SH3PXD2A: variants seen among roughly 807,000 people sequenced by gnomAD.
The protein encoded by SH3PXD2A is SH3 and PX domains 2A.
SH3PXD2A carries 32 observed loss-of-function variants against 115.2 expected under a neutral mutation model. That is an observed-to-expected ratio of 0.28 (90% CI 0.21 to 0.37). The LOEUF (loss-of-function observed/expected upper bound fraction) is 0.37, where lower values mean the gene tolerates loss of function less well. SH3PXD2A is among the 10% of genes least tolerant of loss of function. The pLI is 1.00. For missense variants in SH3PXD2A, 1,328 were observed against 1,498.7 expected (o/e 0.89, Z 1.88); for synonymous variants, 610 against 629.1 (o/e 0.97, Z 0.45).
At chr10:103,741,283 G>C (rs1384190816) in intron 3 of SH3PXD2A, among the ~76,000 whole-genome samples, 1 of 152,216 alleles carries the variant, frequency 6.6e-6, no homozygotes, top group African/African-American at 2.4e-5. Flanking sequence ...ACAGAAAAGA[G>C]TTTGGTTTTA....
At chr10:103,646,431 A>G (rs1383072881) in intron 8 of SH3PXD2A, among the ~76,000 whole-genome samples, 1 of 152,126 alleles carries the variant, frequency 6.6e-6, no homozygotes, top group African/African-American at 2.4e-5. Context: ...TTCTCATTCT[A>G]GAGACTCGCC....
intron 1 of SH3PXD2A, among the ~76,000 whole-genome samples, chr10:103,854,981 C>A (rs2134336727): frequency 6.6e-6 from 1 of 152,192 alleles, no homozygotes. Context: ...AATTCCAATG[C>A]CAAAAAAAGA....
chr10:103,722,073 C>T (rs752567279), intron 5 of SH3PXD2A, among the ~76,000 whole-genome samples: 7 of 151,784 alleles, frequency 4.6e-5, no homozygotes, highest in East Asian at 1.9e-4. Context: ...GAGGCTGAGG[C>T]GGGTGGATCC....
At chr10:103,681,943 C>T (rs927417016) in intron 6 of SH3PXD2A, among the ~76,000 whole-genome samples, 2 of 152,124 alleles carry the variant, frequency 1.3e-5, no homozygotes, top group East Asian at 1.9e-4. Flanking sequence ...GATACCTGGG[C>T]GTCACTCCAG....
intron 1 of SH3PXD2A, among the ~76,000 whole-genome samples, chr10:103,827,115 G>A (rs1210571586): frequency 6.6e-6 from 1 of 152,122 alleles, no homozygotes; most frequent in East Asian, 1.9e-4. Flanking sequence ...AATCAGCCAG[G>A]GAGCTCAGGG....
chr10:103,736,819 A>G, intron 3 of SH3PXD2A: 2 of 1,285,784 alleles, frequency 1.6e-6, no homozygotes, highest in South Asian at 1.2e-5. Flanking sequence ...CAGTCTACCT[A>G]ATTTCCCCCT....
intron 13 of SH3PXD2A, among the ~76,000 whole-genome samples, chr10:103,606,224 C>T (rs2133915463): frequency 6.9e-6 from 1 of 144,352 alleles, no homozygotes; most frequent in Admixed American, 6.9e-5. Flanking sequence ...ATCATCATTA[C>T]TCTGAGATAG....
intron 1 of SH3PXD2A, among the ~76,000 whole-genome samples, chr10:103,821,225 C>A (rs1310746235): frequency 6.7e-6 from 1 of 149,564 alleles, no homozygotes; most frequent in African/African-American, 2.5e-5. Flanking sequence ...TTACTGCAAC[C>A]TCCACCTCCT....
In SH3PXD2A at chr10:103,620,979, G is replaced by T. The variant is rs1403027218; in HGVS notation, c.802+1491C>A. ...TTTTGTGACTGTGTATGATGCATTT[G>T]TGGTGGTATAAACAGAAGACACATG... On this transcript the variant is annotated intron_variant, in intron 10 of 14. Coordinates refer to ENST00000369774, the MANE Select transcript of SH3PXD2A (RefSeq NM_001394015.1). This position sits in a 1 kb window ranked among gnomAD's most constrained non-coding sequence, Gnocchi z 5.3. Among the ~76,000 whole-genome samples, 1 of 152,308 alleles carries T rather than the reference G, an allele frequency of 6.6e-6. No individual in the cohort carries two copies. The highest frequency in any genetic ancestry group is 3.4e-3 in the Middle Eastern group (1 of 294).
At chr10:103,622,639 G>GGTGT in intron 9 of SH3PXD2A, 86 bp from the exon 10 acceptor site, 1 of 688,070 alleles carries the variant, frequency 1.5e-6, no homozygotes, top group Non-Finnish European at 2.5e-6. Context: ...ATGGGGGTGG[G>GGTGT]AGGAAGGGGC....
At chr10:103,725,091 G>A (rs1449577833) in intron 4 of SH3PXD2A, among the ~76,000 whole-genome samples, 2 of 152,220 alleles carry the variant, frequency 1.3e-5, no homozygotes, top group Admixed American at 1.3e-4. Context: ...AAGAAGATGT[G>A]GAAGATGGGG....
At chr10:103,690,586 G>A (rs1056989683) in intron 6 of SH3PXD2A, among the ~76,000 whole-genome samples, 13 of 152,174 alleles carry the variant, frequency 8.5e-5, no homozygotes, top group South Asian at 4.1e-4. Flanking sequence ...CCAATTGGAT[G>A]AGGCTAGCCT....
In SH3PXD2A at chr10:103,767,137, A is replaced by C. The variant is rs1357492459; in HGVS notation, c.186T>G (p.Gly62=). 1.9e-6 allele frequency: 3 copies of C among 1,613,948 alleles called. No homozygotes were observed. The highest frequency in any genetic ancestry group is 8.5e-7 in the Non-Finnish European group (1 of 1,179,952). The change falls in exon 3 of 15, where the codon GGT becomes GGG. Residue 62 remains glycine, a synonymous_variant. Coordinates refer to ENST00000369774, the MANE Select transcript of SH3PXD2A (RefSeq NM_001394015.1). The stretch of plus-strand genomic sequence containing the variant: ...TCCTTTGCTTGGGGTCCTTCTGGCC[A>C]CCTTCAATGGGAAACTTATCCAAAA... ...MQLLDKFPIE[G]GQKDPKQRII... is the part of the protein sequence containing the mutation.
At chr10:103,658,141 T>C (rs1256083583) in intron 8 of SH3PXD2A, among the ~76,000 whole-genome samples, 1 of 152,244 alleles carries the variant, frequency 6.6e-6, no homozygotes, top group Non-Finnish European at 1.5e-5. Context: ...AGAATCACCT[T>C]CCATGCACAT....
At chr10:103,753,472 GAC>G (rs3068819) in intron 3 of SH3PXD2A, among the ~76,000 whole-genome samples, 74 of 133,756 alleles carry the variant, frequency 5.5e-4, no homozygotes, top group Non-Finnish European at 8.8e-4. Context: ...CTCCAGCCTG[GAC>G]AACAGAGCAA....
At chr10:103,674,692 T>A (rs189623984) in intron 6 of SH3PXD2A, among the ~76,000 whole-genome samples, 53 of 152,120 alleles carry the variant, frequency 3.5e-4, no homozygotes, top group African/African-American at 1.2e-3. Flanking sequence ...TGGTGGTGTA[T>A]GCCTGTAATC....
rs553667918 is a variant in SH3PXD2A at position 103,628,835 on chromosome 10, C to G, written c.605-1633G>C. The stretch of plus-strand genomic sequence containing the variant: ...CCCCACTGCTGGTGAAGCAATGCCA[C>G]TGGTCCAATTCCTGTACCTCCTGCT... On this transcript the variant is annotated intron_variant, in intron 8 of 14. Coordinates refer to ENST00000369774, the MANE Select transcript of SH3PXD2A (RefSeq NM_001394015.1). Among the ~76,000 whole-genome samples the G allele has an allele frequency of 3.3e-5, 5 of 152,352 alleles. No individual in the cohort carries two copies. The South Asian group carries it at 1.0e-3, about 32-fold the overall frequency.
chr10:103,732,855 G>A (rs1564875672), intron 4 of SH3PXD2A, among the ~76,000 whole-genome samples: 1 of 152,214 alleles, frequency 6.6e-6, no homozygotes, highest in Non-Finnish European at 1.5e-5. Context: ...CCGTGGAGCG[G>A]ACTGCACACG....
chr10:103,818,627 C>T (rs2039347421), intron 1 of SH3PXD2A, among the ~76,000 whole-genome samples: 1 of 152,186 alleles, frequency 6.6e-6, no homozygotes, highest in South Asian at 2.1e-4. Flanking sequence ...GCCATCAGCT[C>T]CTGTTTGGCC....
Sources: allele counts gnomAD v4.1 joint callset (sites outside exome capture counted in the v4.1 genomes callset), GRCh38; gene constraint gnomAD v4.1.1; non-coding constraint Gnocchi (gnomAD v3.1); transcripts MANE v1.5; gene names NCBI Gene and HGNC (gene_info 2026-07-23, HGNC 2026-07-21).